Variants in MATN2 observed in about 807,000 individuals in gnomAD.
The protein encoded by MATN2 is matrilin-2.
Under a neutral mutation model 103.2 loss-of-function variants are expected in MATN2, and 69 were observed. The ratio of observed to expected loss-of-function variants is 0.67; its 90% confidence interval spans 0.55 to 0.82. The LOEUF is 0.82. Among genes scored for constraint, MATN2 ranks in the 40% least tolerant of loss-of-function variants. MATN2 has a pLI of 0.00. For missense variants in MATN2, 1,023 were observed against 1,211.5 expected (o/e 0.84, Z 2.31); for synonymous variants, 429 against 450.2 (o/e 0.95, Z 0.60).
At chr8:98,031,519 A>C (rs1814019272) in intron 15 of MATN2, 1 of 152,262 alleles carries the variant, frequency 6.6e-6, no homozygotes, top group South Asian at 2.1e-4. Context: ...CAATCATTAT[A>C]TAAATCAGGA....
At chr8:97,954,160 T>A (rs1811060630) in intron 4 of MATN2, among the ~76,000 whole-genome samples, 1 of 152,140 alleles carries the variant, frequency 6.6e-6, no homozygotes, top group African/African-American at 2.4e-5. Flanking sequence ...TCTTTTCACC[T>A]GCCTGCCTCA....
At chr8:97,966,874 G>C (rs1286719522) in intron 5 of MATN2, among the ~76,000 whole-genome samples, 1 of 152,146 alleles carries the variant, frequency 6.6e-6, no homozygotes, top group Admixed American at 6.5e-5. Context: ...CATTTGCGTT[G>C]CTATAAAGGA....
chr8:97,932,806 C>A (rs1391954352), intron 3 of MATN2, among the ~76,000 whole-genome samples: 1 of 152,200 alleles, frequency 6.6e-6, no homozygotes, highest in Non-Finnish European at 1.5e-5. Flanking sequence ...TACCATGAAT[C>A]TTTGGTGGGG....
rs1479614146 is a variant in MATN2 at position 97,931,418 on chromosome 8, C to T, written c.608C>T (p.Thr203Ile). The change falls in exon 3 of 19, where the codon ACC (threonine) becomes ATC (isoleucine). Residue 203 changes from threonine to isoleucine, a missense_variant. Thr to Ile is a moderately conservative substitution (Grantham distance 89). Coordinates refer to ENST00000254898, the MANE Select transcript of MATN2 (RefSeq NM_002380.5). This position sits in a 1 kb window ranked among gnomAD's most constrained non-coding sequence, Gnocchi z 4.1. Reference protein sequence around the residue: ...AIGVGQVDFNTLKSIGSEPHE... With the variant: ...AIGVGQVDFNILKSIGSEPHE... Reference sequence around the variant, plus strand: ...GGTGTGGGCCAGGTAGACTTCAACACCTTGAAGTCCATTGGGAGTGAGCCC... The same window carrying T: ...GGTGTGGGCCAGGTAGACTTCAACATCTTGAAGTCCATTGGGAGTGAGCCC... 3.7e-6 allele frequency: 6 copies of T among 1,613,470 alleles called. No individual in the cohort carries two copies. Among genetic ancestry groups the T allele is most frequent in the Non-Finnish European group, 4.2e-6 (5 of 1,179,590 alleles).
chr8:97,915,996 C>T (rs1336253146), intron 2 of MATN2, among the ~76,000 whole-genome samples: 1 of 151,946 alleles, frequency 6.6e-6, no homozygotes, highest in Non-Finnish European at 1.5e-5. Context: ...TGTATTCAGT[C>T]AGCTCATTTT....
chr8:97,919,264 G>A (rs762501604), intron 2 of MATN2, among the ~76,000 whole-genome samples: 1 of 152,166 alleles, frequency 6.6e-6, no homozygotes, highest in African/African-American at 2.4e-5. Context: ...CTGATTCCCT[G>A]GGTCTAGGGT....
intron 2 of MATN2, among the ~76,000 whole-genome samples, chr8:97,898,589 C>T (rs1050616554): frequency 8.1e-5 from 12 of 147,354 alleles, no homozygotes; most frequent in African/African-American, 2.5e-5. Context: ...AAGAGTGAAA[C>T]TCCTTCTCAA....
rs77238998 is a variant in MATN2 at position 98,022,331 on chromosome 8, T to C, written c.1942+1004T>C. Among the ~76,000 whole-genome samples the C allele has an allele frequency of 9.4e-3, 1,414 of 150,650 alleles. 15 individuals carry two copies. Among genetic ancestry groups the C allele is most frequent in the African/African-American group, 0.032 (1,310 of 40,822 alleles). Reference sequence around the variant, plus strand: ...ATGTGTGTGTGTGTGTACCATTATATACATATCTAATGTGTATACCCTTAT... The same window carrying C: ...ATGTGTGTGTGTGTGTACCATTATACACATATCTAATGTGTATACCCTTAT... On this transcript the variant is annotated intron_variant, in intron 13 of 18. Coordinates refer to ENST00000254898, the MANE Select transcript of MATN2 (RefSeq NM_002380.5).
intron 6 of MATN2, among the ~76,000 whole-genome samples, chr8:97,990,765 GAGATAAAAAAAGA>G (rs1359843079): frequency 2.6e-5 from 4 of 152,114 alleles, no homozygotes; most frequent in Non-Finnish European, 5.9e-5. Flanking sequence ...GTTCCTTGGG[GAGATAAAAAAAGA>G]AGATAAAAAA....
intron 2 of MATN2, among the ~76,000 whole-genome samples, chr8:97,906,453 C>T (rs1039232560): frequency 2.0e-5 from 3 of 152,158 alleles, no homozygotes; most frequent in African/African-American, 7.2e-5. Context: ...CAAAGGAGCC[C>T]TTTTCCCTCC....
At chr8:97,896,532 T>C (rs1466454341) in intron 2 of MATN2, among the ~76,000 whole-genome samples, 1 of 151,600 alleles carries the variant, frequency 6.6e-6, no homozygotes, top group Non-Finnish European at 1.5e-5. Context: ...GGCTGGGCAG[T>C]GGGTTCAGGC....
At chr8:97,876,250 C>T (rs543716768) in intron 1 of MATN2, among the ~76,000 whole-genome samples, 22 of 145,310 alleles carry the variant, frequency 1.5e-4, no homozygotes, top group Non-Finnish European at 3.0e-4. Context: ...AGTGCAATGG[C>T]GCAATCTCGG....
At chr8:97,888,343 T>G in intron 2 of MATN2, 101 bp downstream of exon 2, 1 of 1,322,636 alleles carries the variant, frequency 7.6e-7, no homozygotes, top group Non-Finnish European at 9.7e-7. Flanking sequence ...TTCCTTTCCC[T>G]GGGTCCTTGT....
chr8:97,887,228 TG>T (rs1405155819), intron 1 of MATN2, among the ~76,000 whole-genome samples: 2 of 152,102 alleles, frequency 1.3e-5, no homozygotes, highest in African/African-American at 4.8e-5. Context: ...ATTTTTTTTT[TG>T]TAGAAACGAG....
chr8:97,870,386 C>G (rs1326790974), intron 1 of MATN2, among the ~76,000 whole-genome samples: 1 of 152,080 alleles, frequency 6.6e-6, no homozygotes, highest in East Asian at 1.9e-4. Context: ...GACTTGGTGG[C>G]GCATGCCTGT....
chr8:97,880,759 A>G (rs1044942034), intron 1 of MATN2, among the ~76,000 whole-genome samples: 36 of 152,248 alleles, frequency 2.4e-4, no homozygotes, highest in African/African-American at 7.5e-4. Context: ...TCCTTAAAAA[A>G]TCCTGCTACA....
At chr8:97,973,926 A>C (rs540877728) in intron 5 of MATN2, among the ~76,000 whole-genome samples, 207 of 152,330 alleles carry the variant, frequency 1.4e-3, no homozygotes, top group South Asian at 7.9e-3. Context: ...AATTGGAACA[A>C]GGATTTCAAG....
At chr8:97,954,872 G>A (rs1244972943) in intron 4 of MATN2, among the ~76,000 whole-genome samples, 1 of 152,186 alleles carries the variant, frequency 6.6e-6, no homozygotes, top group African/African-American at 2.4e-5. Context: ...AATTATAATT[G>A]TGTTGAGGAT....
At chr8:97,878,103 A>G (rs928786703) in intron 1 of MATN2, among the ~76,000 whole-genome samples, 6 of 152,262 alleles carry the variant, frequency 3.9e-5, no homozygotes, top group African/African-American at 1.4e-4. Flanking sequence ...TTATAAAATG[A>G]AAAAAGCAGT....
Sources: allele counts gnomAD v4.1 joint callset (sites outside exome capture counted in the v4.1 genomes callset), GRCh38; gene constraint gnomAD v4.1.1; non-coding constraint Gnocchi (gnomAD v3.1); transcripts MANE v1.5; gene names NCBI Gene and HGNC (gene_info 2026-07-23, HGNC 2026-07-21).